PIP5K1B: variants seen among roughly 807,000 people sequenced by gnomAD.
The protein encoded by PIP5K1B is phosphatidylinositol 4-phosphate 5-kinase type-1 beta.
A neutral mutation model predicts 67.0 loss-of-function variants in PIP5K1B; 42 were observed. The ratio of observed to expected loss-of-function variants is 0.63; its 90% CI spans 0.49 to 0.81. The LOEUF (loss-of-function observed/expected upper bound fraction) is 0.81, where lower values mean the gene tolerates loss of function less well. Ranked by LOEUF, PIP5K1B falls within the 30% of genes least tolerant of loss-of-function variation. The pLI, the probability that PIP5K1B is intolerant of heterozygous loss-of-function variation, is 0.00. For synonymous variants in PIP5K1B, 214 were observed against 231.4 expected (o/e 0.92, Z 0.68); for missense variants, 459 against 646.3 (o/e 0.71, Z 3.14).
chr9:68,940,538 C>A, intron 13 of PIP5K1B, 108 bp from the exon 14 acceptor site: 1 of 1,030,636 alleles, frequency 9.7e-7, no homozygotes. Context: ...ATTGAATTTG[C>A]AGCCTGATAG....
chr9:68,794,322 C>G (rs1378368604), intron 2 of PIP5K1B, among the ~76,000 whole-genome samples: 1 of 152,200 alleles, frequency 6.6e-6, no homozygotes, highest in African/African-American at 2.4e-5. Flanking sequence ...AAGTGTTTCA[C>G]AAGAAATACT....
At chr9:68,732,119 G>A (rs1828466987) in intron 1 of PIP5K1B, among the ~76,000 whole-genome samples, 1 of 152,174 alleles carries the variant, frequency 6.6e-6, no homozygotes, top group Admixed American at 6.5e-5. Context: ...TTCTTACTGT[G>A]ATGTTGGAAT....
intron 2 of PIP5K1B, among the ~76,000 whole-genome samples, chr9:68,779,468 A>T (rs188703683): frequency 6.6e-6 from 1 of 152,092 alleles, no homozygotes; most frequent in African/African-American, 2.4e-5. Flanking sequence ...CCCAATATGT[A>T]TTCTCCAGAC....
At position 68,742,921 on chromosome 9, in the gene PIP5K1B, A is replaced by G. The variant is rs532086631; in HGVS notation, c.-86+264A>G. 3.9e-4 allele frequency among the ~76,000 whole-genome samples: 59 copies of G among 152,350 alleles called. No individual in the cohort carries two copies. In the South Asian group the frequency reaches 9.3e-3, roughly 24 times the overall value. ...TCTGTAGAGAATAGAGTGGTCAACA[A>G]TGATGGATAGTAGGTCTCTCTCTTT... On this transcript the variant is annotated intron_variant, in intron 2 of 15. Coordinates refer to ENST00000265382, the MANE Select transcript of PIP5K1B (RefSeq NM_003558.4).
intron 12 of PIP5K1B, among the ~76,000 whole-genome samples, chr9:68,932,970 C>T (rs893907277): frequency 6.6e-6 from 1 of 151,976 alleles, no homozygotes; most frequent in African/African-American, 2.4e-5. Context: ...CATGGTGGCG[C>T]ATGCCTGTAA....
chr9:68,843,548 A>G (rs1822030589), intron 4 of PIP5K1B, among the ~76,000 whole-genome samples: 1 of 152,112 alleles, frequency 6.6e-6, no homozygotes. Context: ...ATTCCCCTCC[A>G]TGGCCACACA....
intron 4 of PIP5K1B, among the ~76,000 whole-genome samples, chr9:68,844,732 C>G (rs1424818098): frequency 6.6e-6 from 1 of 152,156 alleles, no homozygotes; most frequent in East Asian, 1.9e-4. Flanking sequence ...GAGAAAAGGA[C>G]TAAACAGAAA....
Position 68,875,088 on chromosome 9 carries a change from A to G in PIP5K1B, c.201-1589A>G, listed in dbSNP as rs181633367. 1.5e-3 allele frequency among the ~76,000 whole-genome samples: 230 copies of G among 152,228 alleles called. 1 individual carries two copies. The highest frequency in any genetic ancestry group is 2.6e-3 in the Non-Finnish European group (179 of 68,002). On this transcript the variant is annotated intron_variant, in intron 5 of 15. Coordinates refer to ENST00000265382, the MANE Select transcript of PIP5K1B (RefSeq NM_003558.4). Reference sequence around the variant, plus strand: ...GGGCATCATGCATACTGAATATTCAACAATAACCATTTGAATGAGTGGATG... The same window carrying G: ...GGGCATCATGCATACTGAATATTCAGCAATAACCATTTGAATGAGTGGATG...
intron 8 of PIP5K1B, among the ~76,000 whole-genome samples, chr9:68,913,666 G>T (rs1255481885): frequency 6.6e-6 from 1 of 152,010 alleles, no homozygotes; most frequent in Admixed American, 6.5e-5. Flanking sequence ...AACTCTAACT[G>T]CAATGGCCAG....
chr9:68,803,869 G>A (rs1564148088), intron 2 of PIP5K1B, among the ~76,000 whole-genome samples: 3 of 152,164 alleles, frequency 2.0e-5, no homozygotes, highest in Non-Finnish European at 4.4e-5. Context: ...AAGGAGGACT[G>A]GTCATTCATC....
chr9:68,780,952 C>G (rs781355999), intron 2 of PIP5K1B: 14 of 1,614,020 alleles, frequency 8.7e-6, no homozygotes, highest in Admixed American at 1.7e-5. Context: ...AAAGTCAGCA[C>G]TACCACCGAC....
chr9:68,961,436 A>G (rs1376994408), intron 14 of PIP5K1B, among the ~76,000 whole-genome samples: 2 of 152,248 alleles, frequency 1.3e-5, no homozygotes, highest in South Asian at 2.1e-4. Context: ...GCAACTAATT[A>G]TATGGTATAC....
chr9:68,800,858 A>G (rs372200854), intron 2 of PIP5K1B, among the ~76,000 whole-genome samples: 26 of 152,266 alleles, frequency 1.7e-4, no homozygotes, highest in East Asian at 1.5e-3. Context: ...CAAATTCTCC[A>G]TGACTGTTAA....
chr9:68,750,267 T>C (rs1261688863), intron 2 of PIP5K1B, among the ~76,000 whole-genome samples: 3 of 152,242 alleles, frequency 2.0e-5, no homozygotes, highest in African/African-American at 7.2e-5. Flanking sequence ...CCTTCCTTCA[T>C]TGCCCTCCCC....
rs192272218 is a variant in PIP5K1B at position 68,926,823 on chromosome 9, C to T, written c.1201+3437C>T. Among the ~76,000 whole-genome samples the T allele has an allele frequency of 5.9e-5, 9 of 152,236 alleles. 1 individual carries two copies. The East Asian group carries it at 1.5e-3, about 26-fold the overall frequency. On this transcript the variant is annotated intron_variant, in intron 12 of 15. Transcript: ENST00000265382. ...CTGACCTCAGGTGATCTACCCGCCT[C>T]AGCCTCCCAAAGTGCTCAGATACAG...
At chr9:68,813,273 T>C (rs112545505) in intron 2 of PIP5K1B, among the ~76,000 whole-genome samples, 2 of 152,312 alleles carry the variant, frequency 1.3e-5, no homozygotes, top group African/African-American at 2.4e-5. Context: ...GTTGCAAAAC[T>C]TATGGTCAAG....
At chr9:68,731,207 C>T (rs1339228214) in intron 1 of PIP5K1B, among the ~76,000 whole-genome samples, 1 of 152,198 alleles carries the variant, frequency 6.6e-6, no homozygotes. Flanking sequence ...TTCAATTTAA[C>T]ATCAGTTTGT....
intron 14 of PIP5K1B, among the ~76,000 whole-genome samples, chr9:68,977,919 T>G (rs1829708311): frequency 1.3e-5 from 2 of 152,188 alleles, no homozygotes; most frequent in Non-Finnish European, 2.9e-5. Context: ...AGTGCTGGGA[T>G]TACAGGCGTG....
At chr9:68,993,575 A>T (rs1830474149) in intron 15 of PIP5K1B, among the ~76,000 whole-genome samples, 1 of 152,164 alleles carries the variant, frequency 6.6e-6, no homozygotes, top group Non-Finnish European at 1.5e-5. Context: ...AAAAAATAAG[A>T]TTGTAGCAGA....
Sources: allele counts gnomAD v4.1 joint callset (sites outside exome capture counted in the v4.1 genomes callset), GRCh38; gene constraint gnomAD v4.1.1; transcripts MANE v1.5; gene names NCBI Gene and HGNC (gene_info 2026-07-23, HGNC 2026-07-21).